Variants in TUSC3 observed in about 807,000 individuals in gnomAD.
TUSC3 encodes the protein dolichyl-diphosphooligosaccharide--protein glycosyltransferase subunit TUSC3.
In TUSC3, 45 loss-of-function variants were observed where a neutral mutation model predicts 44.8. The ratio of observed to expected loss-of-function variants is 1.00; its 90% CI spans 0.79 to 1.29. The LOEUF is 1.29. Among genes scored for constraint, TUSC3 ranks in the 50% most tolerant of loss-of-function variants. The pLI is 0.00. For missense variants in TUSC3, 519 were observed against 437.9 expected (o/e 1.19, Z -1.65); for synonymous variants, 212 against 152.9 (o/e 1.39, Z -2.85).
chr8:15,464,626 G>T (rs1012067969), intron 1 of TUSC3, among the ~76,000 whole-genome samples: 1 of 152,194 alleles, frequency 6.6e-6, no homozygotes, highest in East Asian at 1.9e-4. Flanking sequence ...AGTTACCTCA[G>T]TATATCAGTT....
intron 7 of TUSC3, among the ~76,000 whole-genome samples, chr8:15,742,755 C>T (rs745884887): frequency 1.2e-4 from 19 of 152,188 alleles, no homozygotes; most frequent in Non-Finnish European, 1.9e-4. Flanking sequence ...ATCGCTTGGG[C>T]GAAATACATA....
the TUSC3 span, among the ~76,000 whole-genome samples, chr8:15,813,202 T>C: frequency 6.6e-6 from 1 of 152,196 alleles, no homozygotes; most frequent in Non-Finnish European, 1.5e-5. Context: ...AGAATTTCAC[T>C]TAGATGTAGA....
chr8:15,694,770 G>C (rs1809086058), intron 6 of TUSC3, among the ~76,000 whole-genome samples: 1 of 152,146 alleles, frequency 6.6e-6, no homozygotes, highest in Non-Finnish European at 1.5e-5. Context: ...CCCTAGCTTT[G>C]TTCTCTGGTC....
At chr8:15,743,014 T>C (rs763703316) in intron 7 of TUSC3, among the ~76,000 whole-genome samples, 14 of 152,358 alleles carry the variant, frequency 9.2e-5, no homozygotes, top group Non-Finnish European at 1.8e-4. Context: ...TAAATTGTTT[T>C]ATTATAATAT....
At chr8:15,697,096 T>G (rs1366948372) in intron 6 of TUSC3, among the ~76,000 whole-genome samples, 1 of 152,222 alleles carries the variant, frequency 6.6e-6, no homozygotes. Flanking sequence ...TTGAATGATC[T>G]TTTGTATTTC....
In TUSC3 at chr8:15,535,119, GA is replaced by G. The variant is rs549441292; in HGVS notation, n.189+51637del. ...TTAAGTAAATTATCACTGTTTGTAT[GA>G]TAACTTTTTAAAAATATAAAAGCAT... On this transcript the variant is annotated intron_variant and non_coding_transcript_variant, in intron 2 of 5. Coordinates refer to the TUSC3 transcript ENST00000503191. Among the ~76,000 whole-genome samples the G allele has an allele frequency of 2.8e-3, 431 of 152,272 alleles. 1 individual carries two copies. Among genetic ancestry groups the G allele is most frequent in the African/African-American group, 9.2e-3 (383 of 41,554 alleles).
intron 1 of TUSC3, among the ~76,000 whole-genome samples, chr8:15,470,320 A>C (rs1800472053): frequency 6.6e-6 from 1 of 151,798 alleles, no homozygotes; most frequent in Non-Finnish European, 1.5e-5. Context: ...GAATAGGTGG[A>C]ACAAAGAGGT....
intron 2 of TUSC3, among the ~76,000 whole-genome samples, chr8:15,530,252 A>C (rs1801432359): frequency 6.6e-6 from 1 of 152,016 alleles, no homozygotes; most frequent in South Asian, 2.1e-4. Flanking sequence ...AAACACACTG[A>C]ATATCTGTGC....
chr8:15,577,469 C>T (rs961333429), intron 1 of TUSC3, among the ~76,000 whole-genome samples: 1 of 151,318 alleles, frequency 6.6e-6, no homozygotes, highest in Non-Finnish European at 1.5e-5. Context: ...AATCTTTAAT[C>T]CATCTTGAAT....
At chr8:15,645,184 A>T (rs1398414023) in intron 2 of TUSC3, among the ~76,000 whole-genome samples, 1 of 152,182 alleles carries the variant, frequency 6.6e-6, no homozygotes, top group African/African-American at 2.4e-5. Context: ...TATTTTGCAT[A>T]ATCTACTTAC....
chr8:15,667,303 A>G lies in TUSC3; in HGVS notation c.708+5007A>G, dbSNP rs140276970. Among the ~76,000 whole-genome samples, 736 of 151,716 alleles carry G rather than the reference A, an allele frequency of 4.9e-3. 18 individuals carry two copies. The East Asian group carries it at 0.071, about 15-fold the overall frequency. On this transcript the variant is annotated intron_variant, in intron 5 of 10. Coordinates refer to ENST00000503731, the MANE Select transcript of TUSC3 (RefSeq NM_006765.4). ...CTTTTTTTTGTAACTAAAGCAGTATATAGATTGAGTATAAATGAAAGAAAT... is the reference window on the plus strand; with the variant it reads ...CTTTTTTTTGTAACTAAAGCAGTATGTAGATTGAGTATAAATGAAAGAAAT...
intron 1 of TUSC3, among the ~76,000 whole-genome samples, chr8:15,609,474 C>T (rs1804670045): frequency 1.3e-5 from 2 of 152,062 alleles, no homozygotes; most frequent in South Asian, 2.1e-4. Context: ...ATATCTGGTA[C>T]TTGTTTTAAA....
At chr8:15,741,983 C>G (rs17121874) in intron 7 of TUSC3, among the ~76,000 whole-genome samples, 3 of 152,042 alleles carry the variant, frequency 2.0e-5, no homozygotes, top group African/African-American at 7.2e-5. Flanking sequence ...AACAATGTCC[C>G]ATGTCTGTGG....
intron 1 of TUSC3, among the ~76,000 whole-genome samples, chr8:15,605,428 TCTC>T (rs542094766): frequency 1.6e-3 from 236 of 152,072 alleles, no homozygotes; most frequent in African/African-American, 5.5e-3. Context: ...CCATTTATCT[TCTC>T]CTGTAGAAGG....
chr8:15,599,055 T>A (rs1804177270), intron 1 of TUSC3, among the ~76,000 whole-genome samples: 1 of 151,980 alleles, frequency 6.6e-6, no homozygotes, highest in Non-Finnish European at 1.5e-5. Flanking sequence ...TTTGTATTCC[T>A]ACCAGCAATG....
chr8:15,850,667 T>A, the TUSC3 span, among the ~76,000 whole-genome samples: 1 of 152,110 alleles, frequency 6.6e-6, no homozygotes, highest in East Asian at 1.9e-4. Flanking sequence ...ATTAAAAGAA[T>A]AAAATGAAAC....
At chr8:15,590,959 G>A (rs1204470908) in intron 1 of TUSC3, among the ~76,000 whole-genome samples, 1 of 152,098 alleles carries the variant, frequency 6.6e-6, no homozygotes, top group Non-Finnish European at 1.5e-5. Flanking sequence ...TAGGCTTGAG[G>A]CACTGCAACC....
At chr8:15,726,581 G>A (rs184901993) in intron 6 of TUSC3, among the ~76,000 whole-genome samples, 7 of 152,210 alleles carry the variant, frequency 4.6e-5, no homozygotes, top group African/African-American at 9.6e-5. Context: ...CAAACTGGCC[G>A]GATCACTTGA....
intron 1 of TUSC3, among the ~76,000 whole-genome samples, chr8:15,438,314 T>G (rs1018855634): frequency 6.6e-6 from 1 of 152,170 alleles, no homozygotes; most frequent in African/African-American, 2.4e-5. Context: ...CAGGCTAGTC[T>G]CAAACTCCAG....
Sources: allele counts gnomAD v4.1 joint callset (sites outside exome capture counted in the v4.1 genomes callset), GRCh38; gene constraint gnomAD v4.1.1; transcripts MANE v1.5; gene names NCBI Gene and HGNC (gene_info 2026-07-23, HGNC 2026-07-21).